NAV3: variants seen among roughly 807,000 people sequenced by gnomAD.
NAV3 encodes the protein pore membrane and/or filament interacting like protein 1.
NAV3 carries 87 observed loss-of-function variants against 244.7 expected under a neutral mutation model. That is an observed-to-expected ratio of 0.36 (90% CI 0.30 to 0.42). The LOEUF (loss-of-function observed/expected upper bound fraction) is 0.42, where lower values mean the gene tolerates loss of function less well. NAV3 is among the 20% of genes least tolerant of loss of function. The pLI is 1.00. For synonymous variants in NAV3, 1,126 were observed against 1,042.2 expected, an observed-to-expected ratio of 1.08 and a Z score of -1.55; for missense variants, 2,663 against 2,893.3, an observed-to-expected ratio of 0.92 and a Z score of 1.83.
intron 2 of NAV3, among the ~76,000 whole-genome samples, chr12:77,680,192 T>A (rs950611733): frequency 6.6e-6 from 1 of 152,156 alleles, no homozygotes; most frequent in Non-Finnish European, 1.5e-5. Flanking sequence ...TTGCTTCTGA[T>A]AAAATTTCAG....
At chr12:78,184,909 T>C (rs1005135216) in intron 30 of NAV3, among the ~76,000 whole-genome samples, 2 of 151,926 alleles carry the variant, frequency 1.3e-5, no homozygotes, top group South Asian at 2.1e-4. Flanking sequence ...TGGTATAATA[T>C]ATTTTGAAAG....
chr12:78,177,539 T>C (rs1263792556), intron 27 of NAV3, 81 bp from the exon 28 acceptor site: 1 of 1,339,538 alleles, frequency 7.5e-7, no homozygotes, highest in Non-Finnish European at 1.0e-6. Flanking sequence ...TTGATCTCAT[T>C]CTCCAGTTTT....
upstream of NAV3, among the ~76,000 whole-genome samples, chr12:77,827,634 C>G (rs1407396562): frequency 6.6e-6 from 1 of 152,066 alleles, no homozygotes; most frequent in East Asian, 1.9e-4. Context: ...TGATCATGAC[C>G]ATATTAGGCT....
At chr12:77,868,181 C>A (rs1399218811) in intron 1 of NAV3, among the ~76,000 whole-genome samples, 1 of 151,908 alleles carries the variant, frequency 6.6e-6, no homozygotes, top group Non-Finnish European at 1.5e-5. Flanking sequence ...GAGAAATAAT[C>A]AGGGCATATG....
At chr12:77,585,280 A>G (rs1869548003) in intron 2 of NAV3, among the ~76,000 whole-genome samples, 1 of 152,162 alleles carries the variant, frequency 6.6e-6, no homozygotes, top group Admixed American at 6.5e-5. Flanking sequence ...AGCTGGCACC[A>G]GAGATCCTGC....
In NAV3 at chr12:78,200,481, C is replaced by A; in HGVS notation, c.6724C>A (p.Leu2242Ile). 3 of 1,574,672 alleles carry A rather than the reference C, an allele frequency of 1.9e-6. No individual in the cohort carries two copies. Among genetic ancestry groups the A allele is most frequent in the South Asian group, 2.4e-5 (2 of 84,430 alleles). Residue 2242 changes from leucine (L) to isoleucine (I), a missense_variant, in exon 38 of 40, where the codon CTA becomes ATA. This residue lies in a region of NAV3 where 543 missense variants were observed against 672.4 expected (regional missense o/e 0.81). Coordinates refer to ENST00000397909, the MANE Select transcript of NAV3 (RefSeq NM_001024383.2). ...SSSDVTIGPR[L>I]FLPCPMDVEG... is the part of the protein sequence containing the mutation. ...TATTTATTTCTTATCAGGTCCCCGA[C>A]TATTCCTTCCTTGCCCCATGGATGT...
At chr12:77,769,715 A>T (rs1032649502) in intron 2 of NAV3, among the ~76,000 whole-genome samples, 1 of 152,218 alleles carries the variant, frequency 6.6e-6, no homozygotes, top group Non-Finnish European at 1.5e-5. Flanking sequence ...TATGAAATAA[A>T]CTGCCATTAT....
intron 2 of NAV3, among the ~76,000 whole-genome samples, chr12:77,730,814 C>T (rs1877091159): frequency 6.7e-6 from 1 of 149,186 alleles, no homozygotes; most frequent in African/African-American, 2.5e-5. Flanking sequence ...ATAATCATGA[C>T]ATTTTTAAAT....
intron 9 of NAV3, chr12:78,036,434 G>GA (rs985999628): frequency 1.3e-3 from 200 of 157,964 alleles, no homozygotes; most frequent in South Asian, 3.8e-3. Flanking sequence ...GCAGGGGAAA[G>GA]AAAAAAAAAA....
intron 1 of NAV3, among the ~76,000 whole-genome samples, chr12:77,910,572 CT>C (rs1046710234): frequency 1.6e-4 from 25 of 152,174 alleles, no homozygotes; most frequent in African/African-American, 5.5e-4. Context: ...TTGCCTATGT[CT>C]AAGTTTAATT....
At chr12:78,037,186 GA>G (rs1373186768) in intron 9 of NAV3, 2 of 703,026 alleles carry the variant, frequency 2.8e-6, no homozygotes, top group Admixed American at 4.0e-5. Context: ...TTGTCTGCAA[GA>G]AGAGGCTTGG....
At chr12:77,679,976 C>A (rs112222162) in intron 2 of NAV3, among the ~76,000 whole-genome samples, 3 of 151,978 alleles carry the variant, frequency 2.0e-5, no homozygotes, top group Admixed American at 6.6e-5. Context: ...CATGTCCTTG[C>A]CTTTCATAAG....
At chr12:77,974,832 T>C (rs1194909413) in intron 5 of NAV3, among the ~76,000 whole-genome samples, 2 of 152,154 alleles carry the variant, frequency 1.3e-5, no homozygotes, top group African/African-American at 2.4e-5. Flanking sequence ...GGTTTATGTA[T>C]AAAATGCTTA....
intron 2 of NAV3, among the ~76,000 whole-genome samples, chr12:77,750,018 A>G (rs1868761512): frequency 6.6e-6 from 1 of 152,220 alleles, no homozygotes; most frequent in South Asian, 2.1e-4. Context: ...ATGCCAAGTT[A>G]TTTTAATACA....
intron 2 of NAV3, among the ~76,000 whole-genome samples, chr12:77,685,327 A>G (rs1190135922): frequency 6.6e-6 from 1 of 152,194 alleles, no homozygotes; most frequent in Non-Finnish European, 1.5e-5. Flanking sequence ...GTTTCCTGAC[A>G]TGTGCGCCAT....
At chr12:78,123,555 A>G (rs1359846226) in intron 16 of NAV3, among the ~76,000 whole-genome samples, 2 of 152,124 alleles carry the variant, frequency 1.3e-5, no homozygotes, top group Non-Finnish European at 2.9e-5. Flanking sequence ...AACCCAGAGC[A>G]AAACATTGCT....
intron 2 of NAV3, among the ~76,000 whole-genome samples, chr12:77,807,378 C>CA (rs1249045880): frequency 6.6e-6 from 1 of 152,120 alleles, no homozygotes; most frequent in Non-Finnish European, 1.5e-5. Flanking sequence ...CTGGTGGTGA[C>CA]AAAATCTTTC....
chr12:77,579,140 G>C (rs537314670), intron 2 of NAV3, among the ~76,000 whole-genome samples: 53 of 152,136 alleles, frequency 3.5e-4, no homozygotes, highest in Non-Finnish European at 6.2e-4. Context: ...TTTCTAAAAA[G>C]CTTTAGTACT....
At chr12:77,731,542 G>A (rs1282587776) in intron 2 of NAV3, among the ~76,000 whole-genome samples, 1 of 151,702 alleles carries the variant, frequency 6.6e-6, no homozygotes, top group African/African-American at 2.4e-5. Context: ...TTCTAGCCAG[G>A]GTATAAAAAC....
Sources: gnomAD v4.1 joint callset for allele counts (sites outside exome capture counted in the v4.1 genomes callset) on GRCh38, gnomAD v4.1.1 for gene constraint, gnomAD v4.1.1 regional missense constraint, MANE v1.5 for transcripts, NCBI Gene and HGNC (gene_info 2026-07-23, HGNC 2026-07-21) for gene names.